The following TBC1D30 variants were observed in gnomAD, a reference collection of about 807,000 sequenced individuals.
TBC1D30 encodes the protein TBC1 domain family, member 30.
TBC1D30 carries 31 observed loss-of-function variants against 63.2 expected under a neutral mutation model. The observed-to-expected ratio is 0.49, with a 90% CI of 0.37 to 0.66. The LOEUF (loss-of-function observed/expected upper bound fraction) is 0.66. Among genes scored for constraint, TBC1D30 ranks in the 30% least tolerant of loss-of-function variants. The pLI is 0.00. For missense variants in TBC1D30, 810 were observed against 953.6 expected, an observed-to-expected ratio of 0.85 and a Z score of 1.98; for synonymous variants, 307 against 361.5, an observed-to-expected ratio of 0.85 and a Z score of 1.71.
In TBC1D30 at chr12:64,870,673, C is replaced by G. The variant is rs1330542816; in HGVS notation, c.1363C>G (p.Arg455Gly). The G allele has an allele frequency of 3.9e-6, 6 of 1,536,058 alleles. No homozygotes were observed. Among genetic ancestry groups the G allele is most frequent in the Non-Finnish European group, 5.2e-6 (6 of 1,146,880 alleles). ...GAGTCCAGGAGCAATCAATTCCTGT[C>G]GAAGTGAATACCATGCAGCTTTTAA... Reference protein sequence around the residue: ...ELSPGAINSCRSEYHAAFNSM... With the variant: ...ELSPGAINSCGSEYHAAFNSM... The change falls in exon 11 of 12, where the codon CGA (arginine) becomes GGA (glycine). Residue 455 changes from arginine (R) to glycine (G), a missense_variant. Physicochemically the swap from Arg to Gly is moderately radical, Grantham distance 125. Transcript: ENST00000539867.
At chr12:64,818,500 C>A in intron 2 of TBC1D30, 1 of 675,338 alleles carries the variant, frequency 1.5e-6, no homozygotes, top group Non-Finnish European at 1.8e-6. Flanking sequence ...AATGCAGTGG[C>A]GCAATCCTGG....
rs17100725 is a variant in TBC1D30, at chr12:64,862,764, A to T, written c.1039-1904A>T. ...TCTTTTAAAGTTGAATCCAAAGGACATGGGTTTCTTAAATGTCTGAACACA... is the reference window on the plus strand; with the variant it reads ...TCTTTTAAAGTTGAATCCAAAGGACTTGGGTTTCTTAAATGTCTGAACACA... On this transcript the variant is annotated intron_variant, in intron 8 of 11. Transcript: ENST00000539867. Among the ~76,000 whole-genome samples the T allele has an allele frequency of 6.6e-5, 10 of 152,302 alleles. No homozygotes were observed. The South Asian group carries it at 2.1e-3, about 32-fold the overall frequency.
At chr12:64,803,309 C>T (rs949597879) in intron 2 of TBC1D30, among the ~76,000 whole-genome samples, 1 of 152,176 alleles carries the variant, frequency 6.6e-6, no homozygotes, top group African/African-American at 2.4e-5. Flanking sequence ...TGAGAATTGT[C>T]TGTTCATATC....
chr12:64,805,971 G>A (rs1443914557), intron 2 of TBC1D30, among the ~76,000 whole-genome samples: 1 of 152,198 alleles, frequency 6.6e-6, no homozygotes, highest in East Asian at 1.9e-4. Context: ...TGCCATCCCA[G>A]TCTGACCACT....
chr12:64,767,889 C>T (rs1050529260), intron 1 of TBC1D30, among the ~76,000 whole-genome samples: 1 of 151,460 alleles, frequency 6.6e-6, no homozygotes, highest in Non-Finnish European at 1.5e-5. Flanking sequence ...ATGACATTGC[C>T]TCCAAAGTAA....
upstream of TBC1D30, among the ~76,000 whole-genome samples, chr12:64,822,075 T>C (rs898858564): frequency 6.6e-6 from 1 of 152,236 alleles, no homozygotes; most frequent in Non-Finnish European, 1.5e-5. Flanking sequence ...TCTGACATTG[T>C]CCTCAAATTC....
At chr12:64,867,459 CAAA>C (rs72095710) in intron 10 of TBC1D30, among the ~76,000 whole-genome samples, 49 of 131,618 alleles carry the variant, frequency 3.7e-4, no homozygotes, top group African/African-American at 1.2e-3. Flanking sequence ...GACTCCATCT[CAAA>C]AAAAAAAAAA....
chr12:64,786,140 GT>G, intron 2 of TBC1D30: 1 of 952,634 alleles, frequency 1.0e-6, no homozygotes, highest in Non-Finnish European at 1.4e-6. Context: ...ATATTGAGAA[GT>G]TTTAAATGCA....
chr12:64,801,029 GTCCCTC>G (rs1316389585), intron 2 of TBC1D30, among the ~76,000 whole-genome samples: 1 of 152,144 alleles, frequency 6.6e-6, no homozygotes, highest in Non-Finnish European at 1.5e-5. Flanking sequence ...AGCTGCTTCT[GTCCCTC>G]TCCGTTTGTT....
intron 2 of TBC1D30, among the ~76,000 whole-genome samples, chr12:64,800,741 C>G (rs1008050888): frequency 6.6e-6 from 1 of 152,108 alleles, no homozygotes; most frequent in Non-Finnish European, 1.5e-5. Flanking sequence ...AGGCTAGAGG[C>G]AGGGTCTCAG....
Position 64,780,805 on chromosome 12 carries a change from G to T in TBC1D30, c.-4G>T, listed in dbSNP as rs1403409672. The stretch of plus-strand genomic sequence containing the variant: ...GGGAGCCGGGCAGCCGCGCGCCGGG[G>T]ACCATGGACGTCCTTCCCACCGGCG... On this transcript the variant is annotated 5_prime_UTR_variant, in exon 1 of 13. Coordinates refer to the TBC1D30 transcript ENST00000542120. 4.0e-6 allele frequency: 4 copies of T among 992,774 alleles called. No homozygotes were observed. In the African/African-American group the frequency reaches 7.0e-5, roughly 17 times the overall value. The allele number at this position is 992,774 out of a possible 1,614,324, so 61.5% of individuals were successfully genotyped here. A position where few individuals can be genotyped will look rare whatever the true frequency, so the allele number is the denominator to read the frequency against.
At chr12:64,859,804 T>G (rs996012869) in intron 8 of TBC1D30, among the ~76,000 whole-genome samples, 1 of 152,130 alleles carries the variant, frequency 6.6e-6, no homozygotes, top group Non-Finnish European at 1.5e-5. Flanking sequence ...TCTATGGCAC[T>G]GGTCATAGCT....
chr12:64,766,524 C>T (rs1304145820), intron 1 of TBC1D30, among the ~76,000 whole-genome samples: 1 of 151,966 alleles, frequency 6.6e-6, no homozygotes, highest in Non-Finnish European at 1.5e-5. Context: ...ATATATGGAC[C>T]TAACAAAGTA....
chr12:64,832,322 A>G lies in TBC1D30; in HGVS notation c.594+18A>G. ...CCCTGAAAGTGAGTAGCAGGCTCTG[A>G]CAAAGGCCATGGACATTCTTCTGAG... On this transcript the variant is annotated intron_variant, in intron 5 of 11. Coordinates refer to ENST00000539867, the MANE Select transcript of TBC1D30 (RefSeq NM_015279.2). 1 of 1,532,244 alleles carries G rather than the reference A, an allele frequency of 6.5e-7. No homozygotes were observed. Among genetic ancestry groups the G allele is most frequent in the Non-Finnish European group, 8.7e-7 (1 of 1,143,906 alleles). 94.9% of individuals were successfully genotyped at this position (1,532,244 alleles called of 1,614,324 possible).
At position 64,765,788 on chromosome 12, in the gene TBC1D30, G is replaced by C. The variant is rs1273643038; in HGVS notation, c.-376+6139G>C. On this transcript the variant is annotated intron_variant, in intron 1 of 13. Coordinates refer to the TBC1D30 transcript ENST00000674237. ...AGGTGGGCAGATGGCTTGAGCCCAG[G>C]AGTTTGAGACCAGCCTGGGCGACTT... is the stretch of plus-strand genomic sequence containing the variant. Among the ~76,000 whole-genome samples, 6 of 144,356 alleles carry C rather than the reference G, an allele frequency of 4.2e-5. 1 individual carries two copies. The East Asian group carries it at 1.2e-3, about 30-fold the overall frequency. 94.7% of individuals were successfully genotyped at this position (144,356 alleles called of 152,430 possible). A position where few individuals can be genotyped will look rare whatever the true frequency, so the allele number is the denominator to read the frequency against.
intron 2 of TBC1D30, among the ~76,000 whole-genome samples, chr12:64,812,988 A>G (rs1400072631): frequency 2.6e-5 from 4 of 152,164 alleles, no homozygotes; most frequent in Non-Finnish European, 5.9e-5. Flanking sequence ...TTAAATTTCT[A>G]GGTCAAATTG....
chr12:64,852,286 A>G (rs555556861), intron 8 of TBC1D30, among the ~76,000 whole-genome samples: 2 of 151,862 alleles, frequency 1.3e-5, no homozygotes, highest in South Asian at 4.2e-4. Flanking sequence ...CTTCCGCTTG[A>G]TCAGTTTGGC....
intron 6 of TBC1D30, 66 bp downstream of exon 6, chr12:64,836,724 C>A: frequency 1.5e-6 from 2 of 1,331,526 alleles, no homozygotes; most frequent in Admixed American, 2.5e-5. Flanking sequence ...TACAAATGAG[C>A]CTAAACATTG....
At chr12:64,857,997 T>A (rs1460624373) in intron 8 of TBC1D30, among the ~76,000 whole-genome samples, 1 of 152,208 alleles carries the variant, frequency 6.6e-6, no homozygotes, top group East Asian at 1.9e-4. Flanking sequence ...CATCCATGAC[T>A]CAAGACTGTC....
Sources: gnomAD v4.1 joint callset for allele counts (sites outside exome capture counted in the v4.1 genomes callset) on GRCh38, gnomAD v4.1.1 for gene constraint, MANE v1.5 for transcripts, NCBI Gene and HGNC (gene_info 2026-07-23, HGNC 2026-07-21) for gene names.